Variants in STAG1 observed in about 807,000 individuals in gnomAD.
STAG1 encodes the protein cohesin subunit SA-1.
STAG1 carries 26 observed loss-of-function variants against 170.9 expected under a neutral mutation model. That is an observed-to-expected ratio of 0.15 (90% CI 0.11 to 0.21). The LOEUF is 0.21. Ranked by LOEUF, STAG1 falls within the 10% of genes least tolerant of loss-of-function variation. The pLI is 1.00. For missense variants in STAG1, 964 were observed against 1,509.5 expected, an observed-to-expected ratio of 0.64 and a Z score of 5.99; for synonymous variants, 514 against 497.7, an observed-to-expected ratio of 1.03 and a Z score of -0.44.
At chr3:136,534,080 T>C (rs1354107927) in intron 6 of STAG1, among the ~76,000 whole-genome samples, 3 of 152,102 alleles carry the variant, frequency 2.0e-5, no homozygotes, top group Non-Finnish European at 4.4e-5. Flanking sequence ...TTGAACAGAA[T>C]AGATAACCCA....
chr3:136,450,797 T>C (rs1313953854), intron 14 of STAG1, among the ~76,000 whole-genome samples: 1 of 152,190 alleles, frequency 6.6e-6, no homozygotes, highest in Non-Finnish European at 1.5e-5. Flanking sequence ...AAGTGTGGAG[T>C]GCAGTGGTAC....
intron 28 of STAG1, among the ~76,000 whole-genome samples, chr3:136,356,143 G>A (rs1272659849): frequency 2.0e-5 from 3 of 150,588 alleles, no homozygotes; most frequent in African/African-American, 4.9e-5. Flanking sequence ...TCCCACCTCA[G>A]CCTCCGGAAT....
intron 1 of STAG1, among the ~76,000 whole-genome samples, chr3:136,682,075 A>T (rs1467840691): frequency 1.3e-5 from 2 of 152,172 alleles, no homozygotes; most frequent in Admixed American, 1.3e-4. Flanking sequence ...TAAAAAAAAG[A>T]AATAAAACTA....
chr3:136,388,500 C>G (rs956877759), intron 22 of STAG1, among the ~76,000 whole-genome samples: 1 of 152,128 alleles, frequency 6.6e-6, no homozygotes, highest in African/African-American at 2.4e-5. Context: ...TCCTGAGTAG[C>G]TGGGATTACA....
At chr3:136,638,464 TAG>T (rs1241253785) in intron 1 of STAG1, among the ~76,000 whole-genome samples, 1 of 152,124 alleles carries the variant, frequency 6.6e-6, no homozygotes, top group East Asian at 1.9e-4. Context: ...GCTTGAAACC[TAG>T]TAAACAGTTG....
chr3:136,452,506 G>C (rs1303590046), intron 13 of STAG1, among the ~76,000 whole-genome samples: 1 of 151,218 alleles, frequency 6.6e-6, no homozygotes, highest in East Asian at 2.0e-4. Flanking sequence ...GGAGCTTGCA[G>C]ACAGCTGAGA....
intron 3 of STAG1, among the ~76,000 whole-genome samples, chr3:136,613,313 C>CAAAAAAAAAAAAAAAAAAA (rs60449608): frequency 5.0e-5 from 3 of 59,762 alleles, no homozygotes; most frequent in African/African-American, 7.0e-5. Flanking sequence ...GACTCCGTCT[C>CAAAAAAAAAAAAAAAAAAA]AAAAAAAAAA....
chr3:136,530,756 G>A (rs1490441870), intron 6 of STAG1, among the ~76,000 whole-genome samples: 2 of 152,146 alleles, frequency 1.3e-5, no homozygotes, highest in African/African-American at 4.8e-5. Flanking sequence ...GTGGGATATA[G>A]CAAAAACTGC....
At chr3:136,407,877 C>T (rs1367797627) in intron 21 of STAG1, among the ~76,000 whole-genome samples, 1 of 141,210 alleles carries the variant, frequency 7.1e-6, no homozygotes, top group East Asian at 2.1e-4. Flanking sequence ...GCCTGGGCGA[C>T]AGAGCAAGAC....
intron 2 of STAG1, among the ~76,000 whole-genome samples, chr3:136,624,086 G>T (rs2107831997): frequency 6.6e-6 from 1 of 151,522 alleles, no homozygotes; most frequent in Middle Eastern, 3.5e-3. Flanking sequence ...GATAATTTTT[G>T]CCCAACTCTT....
chr3:136,342,004 T>A (rs186792458), intron 30 of STAG1, among the ~76,000 whole-genome samples: 3 of 152,280 alleles, frequency 2.0e-5, no homozygotes, highest in Admixed American at 2.0e-4. Context: ...GAAGTGTGTG[T>A]AAACATGCCT....
At chr3:136,709,475 C>T (rs1277555164) in intron 1 of STAG1, among the ~76,000 whole-genome samples, 2 of 151,978 alleles carry the variant, frequency 1.3e-5, no homozygotes, top group East Asian at 3.9e-4. Flanking sequence ...CAGCTCACTC[C>T]TATAATCACA....
At chr3:136,498,544 C>T (rs1031331595) in intron 9 of STAG1, among the ~76,000 whole-genome samples, 3 of 151,590 alleles carry the variant, frequency 2.0e-5, no homozygotes, top group Non-Finnish European at 4.4e-5. Context: ...CATGAGAAAA[C>T]TTGGCACTTG....
intron 7 of STAG1, among the ~76,000 whole-genome samples, chr3:136,509,962 G>A (rs1007148437): frequency 5.9e-5 from 9 of 152,150 alleles, no homozygotes; most frequent in African/African-American, 2.2e-4. Context: ...TTTTTACAAT[G>A]CTTATTTTTT....
chr3:136,736,819 T>G, intron 1 of STAG1: 2 of 1,584,288 alleles, frequency 1.3e-6, no homozygotes, highest in South Asian at 2.2e-5. Flanking sequence ...TTGTAGGTTT[T>G]CCTTCCTTCT....
At chr3:136,422,910 AG>A in intron 17 of STAG1, 41 bp downstream of exon 17, 2 of 1,590,008 alleles carry the variant, frequency 1.3e-6, no homozygotes, top group Non-Finnish European at 1.7e-6. Flanking sequence ...GTACAATGAA[AG>A]CAAACTCAGT....
Position 136,373,636 on chromosome 3 carries a change from G to A in STAG1, c.2370+4024C>T, listed in dbSNP as rs550981352. Among the ~76,000 whole-genome samples, 11 of 152,084 alleles carry A rather than the reference G, an allele frequency of 7.2e-5. No homozygotes were observed. The East Asian group carries it at 9.6e-4, about 13-fold the overall frequency. On this transcript the variant is annotated intron_variant, in intron 23 of 33. Transcript: ENST00000383202. ...GTAGTCATTCAGGAGCAGGTTGTTCGGTTTCCATGCAGTTGAGCGGTTTTG... is the reference window on the plus strand; with the variant it reads ...GTAGTCATTCAGGAGCAGGTTGTTCAGTTTCCATGCAGTTGAGCGGTTTTG...
At chr3:136,513,958 G>A (rs1274511346) in intron 7 of STAG1, among the ~76,000 whole-genome samples, 2 of 151,964 alleles carry the variant, frequency 1.3e-5, no homozygotes. Flanking sequence ...AATTTGATCA[G>A]AACACTTGTT....
At chr3:136,729,823 C>A (rs1196336650) in intron 1 of STAG1, among the ~76,000 whole-genome samples, 1 of 150,286 alleles carries the variant, frequency 6.7e-6, no homozygotes, top group East Asian at 1.9e-4. Context: ...AAGTGATCCA[C>A]CCACCTCGCC....
Sources: allele counts gnomAD v4.1 joint callset (sites outside exome capture counted in the v4.1 genomes callset), GRCh38; gene constraint gnomAD v4.1.1; transcripts MANE v1.5; gene names NCBI Gene and HGNC (gene_info 2026-07-23, HGNC 2026-07-21).